MAP3K5: variants seen among roughly 807,000 people sequenced by gnomAD.
MAP3K5 encodes the protein ASK-1.
In MAP3K5, 56 loss-of-function variants were observed where a neutral mutation model predicts 158.7. That is an observed-to-expected ratio of 0.35 (90% confidence interval 0.28 to 0.44). MAP3K5 has a LOEUF of 0.44. Ranked by LOEUF, MAP3K5 falls within the 20% of genes least tolerant of loss-of-function variation. The pLI is 1.00. For synonymous variants in MAP3K5, 579 were observed against 601.7 expected, an observed-to-expected ratio of 0.96 and a Z score of 0.55; for missense variants, 1,294 against 1,674.8, an observed-to-expected ratio of 0.77 and a Z score of 3.97.
chr6:136,574,880 G>A (rs1453671334), intron 25 of MAP3K5, among the ~76,000 whole-genome samples: 2 of 151,762 alleles, frequency 1.3e-5, no homozygotes, highest in Non-Finnish European at 2.9e-5. Flanking sequence ...TAGTAGAGAT[G>A]GGGTTTCACT....
intron 4 of MAP3K5, among the ~76,000 whole-genome samples, chr6:136,698,016 A>G (rs2114673929): frequency 6.6e-6 from 1 of 152,350 alleles, no homozygotes; most frequent in Middle Eastern, 3.4e-3. Context: ...AAATGCTGGG[A>G]TTACAGGCAT....
At chr6:136,665,779 T>C (rs1779204622) in intron 8 of MAP3K5, among the ~76,000 whole-genome samples, 1 of 152,216 alleles carries the variant, frequency 6.6e-6, no homozygotes, top group African/African-American at 2.4e-5. Flanking sequence ...AAAGGAGTTT[T>C]TCAGTGGTTG....
At chr6:136,694,615 T>C (rs1157696403) in intron 6 of MAP3K5, among the ~76,000 whole-genome samples, 1 of 152,314 alleles carries the variant, frequency 6.6e-6, no homozygotes, top group African/African-American at 2.4e-5. Context: ...AGGTTCAAGT[T>C]GGTGAAACGA....
intron 21 of MAP3K5, chr6:136,592,869 A>G (rs575103509): frequency 1.8e-6 from 1 of 547,328 alleles, no homozygotes; most frequent in East Asian, 4.4e-5. Context: ...CAGTCAAGGA[A>G]GCCCAAGTTC....
intron 2 of MAP3K5, among the ~76,000 whole-genome samples, chr6:136,719,983 C>T (rs936216756): frequency 6.6e-6 from 1 of 152,144 alleles, no homozygotes; most frequent in Non-Finnish European, 1.5e-5. Flanking sequence ...AGTTTCTCCT[C>T]CTTTTCTCCC....
At chr6:136,560,667 G>T (rs1830466752) in intron 28 of MAP3K5, among the ~76,000 whole-genome samples, 2 of 152,072 alleles carry the variant, frequency 1.3e-5, no homozygotes, top group South Asian at 2.1e-4. Flanking sequence ...TAACAAACAG[G>T]CCTGGCGTGG....
intron 7 of MAP3K5, among the ~76,000 whole-genome samples, chr6:136,687,883 C>T (rs1780218259): frequency 6.6e-6 from 1 of 152,102 alleles, no homozygotes; most frequent in African/African-American, 2.4e-5. Context: ...GGATCTAGAA[C>T]CAGAAATACC....
intron 28 of MAP3K5, among the ~76,000 whole-genome samples, chr6:136,560,400 G>GCCTGGCAGGCAAAGATTGCA: frequency 6.6e-6 from 1 of 152,142 alleles, no homozygotes; most frequent in Non-Finnish European, 1.5e-5. Context: ...AATCTCTCGA[G>GCCTGGCAGGCAAAGATTGCA]CCTGGCAGGC....
chr6:136,724,115 CA>C (rs1472389779), intron 1 of MAP3K5, among the ~76,000 whole-genome samples: 1 of 151,542 alleles, frequency 6.6e-6, no homozygotes, highest in East Asian at 1.9e-4. Context: ...AAGAGACATG[CA>C]AAGAAAAATA....
intron 1 of MAP3K5, among the ~76,000 whole-genome samples, chr6:136,765,679 A>ATTTTTTTTTTTTTTTTTTT (rs780589836): frequency 8.3e-6 from 1 of 120,022 alleles, no homozygotes; most frequent in Non-Finnish European, 1.7e-5. Context: ...TGCCTGGCTA[A>ATTTTTTTTTTTTTTTTTTT]TTTTTTTTTT....
intron 24 of MAP3K5, among the ~76,000 whole-genome samples, chr6:136,580,812 A>G (rs113458342): frequency 0.015 from 2,304 of 152,044 alleles, 26 homozygotes; most frequent in Middle Eastern, 0.027. Context: ...TCTTATTATT[A>G]TTATTATTTC....
intron 5 of MAP3K5, 32 bp downstream of exon 5, chr6:136,697,187 C>G (rs764045207): frequency 1.3e-6 from 2 of 1,589,738 alleles, no homozygotes; most frequent in Non-Finnish European, 1.7e-6. Context: ...ACATGCTACA[C>G]AACAAAGATT....
chr6:136,608,754 G>T (rs1776207446), intron 18 of MAP3K5, among the ~76,000 whole-genome samples: 1 of 152,174 alleles, frequency 6.6e-6, no homozygotes, highest in Non-Finnish European at 1.5e-5. Flanking sequence ...GCTGATGTAT[G>T]AATTTCAATA....
At chr6:136,699,127 C>T (rs1780736429) in intron 3 of MAP3K5, among the ~76,000 whole-genome samples, 1 of 152,150 alleles carries the variant, frequency 6.6e-6, no homozygotes, top group Non-Finnish European at 1.5e-5. Flanking sequence ...CAAATCCACC[C>T]CCCGGGAGGC....
rs764472894 is a variant in MAP3K5, at chr6:136,656,335, T to C, written c.1652A>G (p.Lys551Arg). Residue 551 changes from lysine to arginine, a missense_variant, in exon 10 of 30, where the codon AAG (lysine) becomes AGG (arginine). Around this residue, in one of 5 missense-constraint regions of MAP3K5, gnomAD observed 690 missense variants for 870.5 expected, o/e 0.79. Transcript: ENST00000359015. ...FWMDFLVEATKTDVTVVRFPV... is the reference protein window; with the variant it reads ...FWMDFLVEATRTDVTVVRFPV... ...AAACCTAACCACAGTAACATCTGTC[T>C]TTGTGGCCTCGACCAGGAAATCCAT... 6.2e-7 allele frequency: 1 copy of C among 1,614,038 alleles called. No homozygotes were observed.
intron 26 of MAP3K5, among the ~76,000 whole-genome samples, chr6:136,566,904 C>A (rs1774136120): frequency 6.6e-6 from 1 of 152,124 alleles, no homozygotes; most frequent in African/African-American, 2.4e-5. Flanking sequence ...ATTTGAACAA[C>A]TTTTATTGAT....
Position 136,792,010 on chromosome 6 carries a change from G to A in MAP3K5, c.148C>T (p.Pro50Ser). Residue 50 changes from proline to serine, a missense_variant, in exon 1 of 30, where the codon CCG becomes TCG. This residue lies in a region of MAP3K5 where 690 missense variants were observed against 870.5 expected (regional missense o/e 0.79). Coordinates refer to ENST00000359015, the MANE Select transcript of MAP3K5 (RefSeq NM_005923.4). This position sits in a 1 kb window ranked among gnomAD's most constrained non-coding sequence, Gnocchi z 5.7. ...TCCACGTTCCAGAAGCTGCCCGGCG[G>A]CGGCGGTGGCAGCTGGTGCTCCTCG... ...EGEEHQLPPP[P>S]PGSFWNVESA... 1 of 1,584,550 alleles carries A rather than the reference G, an allele frequency of 6.3e-7. No individual in the cohort carries two copies. Among genetic ancestry groups the A allele is most frequent in the Non-Finnish European group, 8.5e-7 (1 of 1,169,850 alleles).
At chr6:136,640,805 A>G (rs1436495655) in intron 12 of MAP3K5, among the ~76,000 whole-genome samples, 2 of 152,168 alleles carry the variant, frequency 1.3e-5, no homozygotes, top group African/African-American at 4.8e-5. Flanking sequence ...CAAGCTGCTG[A>G]CCTAGTTGGA....
At chr6:136,625,205 A>G (rs1019912984) in intron 14 of MAP3K5, among the ~76,000 whole-genome samples, 1 of 152,174 alleles carries the variant, frequency 6.6e-6, no homozygotes, top group Non-Finnish European at 1.5e-5. Flanking sequence ...TAGTCTTTGT[A>G]GCAACTACTC....
Sources: allele counts gnomAD v4.1 joint callset (sites outside exome capture counted in the v4.1 genomes callset), GRCh38; gene constraint gnomAD v4.1.1; regional missense constraint gnomAD v4.1.1; non-coding constraint Gnocchi (gnomAD v3.1); transcripts MANE v1.5; gene names NCBI Gene and HGNC (gene_info 2026-07-23, HGNC 2026-07-21).